The following PSD3 variants were observed in gnomAD, a reference collection of about 807,000 sequenced individuals.
PSD3 encodes the protein PH and SEC7 domain-containing protein 3.
Under a neutral mutation model 105.5 loss-of-function variants are expected in PSD3, and 49 were observed. The ratio of observed to expected loss-of-function variants is 0.46; its 90% CI spans 0.37 to 0.59. PSD3 has a LOEUF of 0.59. Among genes scored for constraint, PSD3 ranks in the 20% least tolerant of loss-of-function variants. The pLI is 0.00. For missense variants in PSD3, 1,561 were observed against 1,263.8 expected (o/e 1.24, Z -3.57); for synonymous variants, 557 against 457.8 (o/e 1.22, Z -2.77).
At chr8:18,917,086 C>G (rs1820666726) in intron 2 of PSD3, among the ~76,000 whole-genome samples, 1 of 152,134 alleles carries the variant, frequency 6.6e-6, no homozygotes, top group Non-Finnish European at 1.5e-5. Context: ...TCCCATCCAC[C>G]CAGCTGCCCA....
intron 9 of PSD3, among the ~76,000 whole-genome samples, chr8:18,752,204 TACAC>T (rs1183358327): frequency 6.6e-6 from 1 of 151,460 alleles, no homozygotes; most frequent in Non-Finnish European, 1.5e-5. Context: ...TGCATATACT[TACAC>T]ACATTAACAA....
intron 9 of PSD3, among the ~76,000 whole-genome samples, chr8:18,693,515 T>G (rs773490934): frequency 6.6e-6 from 1 of 152,218 alleles, no homozygotes; most frequent in Non-Finnish European, 1.5e-5. Flanking sequence ...CAAAACAACA[T>G]CCTGCTTTAG....
intron 15 of PSD3, among the ~76,000 whole-genome samples, chr8:18,544,213 G>GAAAAA (rs1800326205): frequency 8.3e-6 from 1 of 120,140 alleles, no homozygotes; most frequent in Non-Finnish European, 1.8e-5. Flanking sequence ...ACAAAACAAG[G>GAAAAA]AGCTTCTGAA....
intron 2 of PSD3, among the ~76,000 whole-genome samples, chr8:18,879,790 G>T (rs1396589879): frequency 6.6e-6 from 1 of 152,012 alleles, no homozygotes; most frequent in Admixed American, 6.6e-5. Flanking sequence ...TAGAGACGGG[G>T]TTTCCCTATG....
At chr8:18,594,143 T>TTC (rs1554518977) in intron 12 of PSD3, among the ~76,000 whole-genome samples, 11 of 58,394 alleles carry the variant, frequency 1.9e-4, no homozygotes, top group Non-Finnish European at 3.1e-4. Context: ...TATATATATA[T>TTC]TATATAATAT....
chr8:18,932,616 C>A, intron 2 of PSD3, among the ~76,000 whole-genome samples: 1 of 152,098 alleles, frequency 6.6e-6, no homozygotes, highest in Non-Finnish European at 1.5e-5. Context: ...AGCTATGTGC[C>A]TTTAGTCATG....
At position 18,864,498 on chromosome 8, in the gene PSD3, T is replaced by C. The variant is rs568161658; in HGVS notation, c.1634+3176A>G. Among the ~76,000 whole-genome samples, 6 of 152,348 alleles carry C rather than the reference T, an allele frequency of 3.9e-5. No homozygotes were observed. In the South Asian group the frequency reaches 6.2e-4, roughly 16 times the overall value. ...TTACAAGCTAGCGACTAACACTTTATACATTAAAATCAATATTTAATTTCC... is the reference window on the plus strand; with the variant it reads ...TTACAAGCTAGCGACTAACACTTTACACATTAAAATCAATATTTAATTTCC... On this transcript the variant is annotated intron_variant, in intron 4 of 15. Coordinates refer to ENST00000327040, the MANE Select transcript of PSD3 (RefSeq NM_015310.4).
chr8:19,013,042 A>C (rs899878335), intron 1 of PSD3, among the ~76,000 whole-genome samples: 4 of 152,190 alleles, frequency 2.6e-5, no homozygotes, highest in African/African-American at 9.7e-5. Flanking sequence ...CATTCGCCAG[A>C]ACGGAAAGCT....
At chr8:18,613,269 G>A (rs1158832084) in intron 11 of PSD3, among the ~76,000 whole-genome samples, 1 of 152,070 alleles carries the variant, frequency 6.6e-6, no homozygotes, top group African/African-American at 2.4e-5. Flanking sequence ...TTCCCCAAAT[G>A]ATTCTTTCTG....
intron 2 of PSD3, among the ~76,000 whole-genome samples, chr8:18,900,130 C>T (rs1819409386): frequency 1.3e-5 from 2 of 152,128 alleles, no homozygotes; most frequent in Non-Finnish European, 2.9e-5. Flanking sequence ...GTTATCTTGA[C>T]ATTTTTTAAG....
At chr8:18,947,484 C>T (rs1186307654) in intron 1 of PSD3, among the ~76,000 whole-genome samples, 1 of 152,152 alleles carries the variant, frequency 6.6e-6, no homozygotes, top group East Asian at 1.9e-4. Flanking sequence ...GTGTGAAAGA[C>T]GCTCCCCTGG....
intron 1 of PSD3, among the ~76,000 whole-genome samples, chr8:18,957,966 T>C (rs961543452): frequency 3.3e-5 from 5 of 152,136 alleles, no homozygotes; most frequent in Non-Finnish European, 5.9e-5. Context: ...TCGAAGATAA[T>C]TAAGCTATTG....
At chr8:18,832,429 C>A (rs1294573834) in intron 4 of PSD3, among the ~76,000 whole-genome samples, 1 of 152,054 alleles carries the variant, frequency 6.6e-6, no homozygotes, top group East Asian at 1.9e-4. Context: ...ACGTTTTGGG[C>A]ACAGGCTTAT....
At chr8:18,702,620 TTTC>T (rs1563183466) in intron 9 of PSD3, among the ~76,000 whole-genome samples, 21 of 151,084 alleles carry the variant, frequency 1.4e-4, no homozygotes, top group African/African-American at 4.4e-4. Context: ...TCTTTCTTTC[TTTC>T]TTTTTTTGAG....
chr8:18,724,660 C>T (rs1324468907), intron 9 of PSD3, among the ~76,000 whole-genome samples: 2 of 151,880 alleles, frequency 1.3e-5, no homozygotes, highest in African/African-American at 4.8e-5. Context: ...ATTCTTTCTG[C>T]TGGTGGGGAC....
intron 10 of PSD3, among the ~76,000 whole-genome samples, chr8:18,638,663 A>G (rs1201902939): frequency 6.6e-6 from 1 of 152,208 alleles, no homozygotes; most frequent in Non-Finnish European, 1.5e-5. Flanking sequence ...CATGTTAATG[A>G]ACTGGAAGAA....
chr8:18,996,013 A>T (rs556970512), intron 1 of PSD3, among the ~76,000 whole-genome samples: 1 of 151,958 alleles, frequency 6.6e-6, no homozygotes, highest in Non-Finnish European at 1.5e-5. Context: ...AGAACTAAAG[A>T]ATCAGAATCT....
intron 11 of PSD3, among the ~76,000 whole-genome samples, chr8:18,627,421 G>C: frequency 6.6e-6 from 1 of 152,038 alleles, no homozygotes; most frequent in East Asian, 1.9e-4. Context: ...CTAGTGAAAG[G>C]AAATAATTCA....
intron 11 of PSD3, among the ~76,000 whole-genome samples, chr8:18,605,575 G>A (rs1210258981): frequency 6.6e-6 from 1 of 152,124 alleles, no homozygotes; most frequent in Admixed American, 6.5e-5. Flanking sequence ...GGGGAACGTT[G>A]GGAAGGCATG....
Sources: allele counts gnomAD v4.1 joint callset (sites outside exome capture counted in the v4.1 genomes callset), GRCh38; gene constraint gnomAD v4.1.1; transcripts MANE v1.5; gene names NCBI Gene and HGNC (gene_info 2026-07-23, HGNC 2026-07-21).